Variants in KANSL1 observed in about 807,000 individuals in gnomAD.
KANSL1 encodes the protein KAT8 regulatory NSL complex subunit 1.
In KANSL1, 22 loss-of-function variants were observed where a neutral mutation model predicts 103.6. The ratio of observed to expected loss-of-function variants is 0.21; its 90% CI spans 0.15 to 0.30. The LOEUF (loss-of-function observed/expected upper bound fraction) is 0.30, where lower values mean the gene tolerates loss of function less well. Ranked by LOEUF, KANSL1 falls within the 10% of genes least tolerant of loss-of-function variation. The pLI, the probability that KANSL1 is intolerant of heterozygous loss-of-function variation, is 1.00. For synonymous variants in KANSL1, 600 were observed against 527.6 expected (o/e 1.14, Z -1.88); for missense variants, 1,337 against 1,399.8 (o/e 0.96, Z 0.72).
intron 4 of KANSL1, among the ~76,000 whole-genome samples, chr17:46,075,360 A>C (rs2078725198): frequency 6.8e-6 from 1 of 147,546 alleles, no homozygotes; most frequent in South Asian, 2.1e-4. Flanking sequence ...TTTCTTTCTG[A>C]CACAATCTCG....
intron 2 of KANSL1, among the ~76,000 whole-genome samples, chr17:46,163,269 A>G (rs2147644270): frequency 6.6e-6 from 1 of 152,358 alleles, no homozygotes; most frequent in East Asian, 1.9e-4. Flanking sequence ...GAATGAATTA[A>G]TCAAATCCAA....
chr17:46,117,359 A>AT (rs1243491828), intron 2 of KANSL1, among the ~76,000 whole-genome samples: 1 of 152,238 alleles, frequency 6.6e-6, no homozygotes, highest in Non-Finnish European at 1.5e-5. Flanking sequence ...TATCTCACAA[A>AT]TTTGTGTATG....
At chr17:46,098,179 CAA>C (rs2042162176) in intron 2 of KANSL1, among the ~76,000 whole-genome samples, 1 of 150,174 alleles carries the variant, frequency 6.7e-6, no homozygotes, top group South Asian at 2.1e-4. Context: ...CCCCTACCCA[CAA>C]AGAGACAAAA....
In KANSL1 at chr17:46,122,915, CTT is replaced by C. The variant is rs554248713; in HGVS notation, c.1290-28216_1290-28215del. Among the ~76,000 whole-genome samples, 31 of 152,320 alleles carry C rather than the reference CTT, an allele frequency of 2.0e-4. No homozygotes were observed. In the East Asian group the frequency reaches 3.7e-3, roughly 18 times the overall value. Reference sequence around the variant, plus strand: ...ATTCCCCTGTCTCTCTCCCTCTCCTCTTGTTTCCCTATTCCCTGAAACACAAC... The same window carrying C: ...ATTCCCCTGTCTCTCTCCCTCTCCTCGTTTCCCTATTCCCTGAAACACAAC... On this transcript the variant is annotated intron_variant, in intron 2 of 14. Transcript: ENST00000432791.
At position 46,171,796 on chromosome 17, in the gene KANSL1, C is replaced by T; in HGVS notation, c.348G>A (p.Gln116=). Residue 116 remains glutamine (Q), a synonymous_variant, in exon 2 of 15, where the codon CAG becomes CAA. Transcript: ENST00000432791. The stretch of plus-strand genomic sequence containing the variant: ...ACAGCTCAGCTCGGAGTTCATAGGA[C>T]TGAGATAAGAGAGGATGAGATTTAA... The part of the protein sequence containing the change: ...TVLKSHPLLS[Q]SYELRAELLG... 1 of 1,613,604 alleles carries T rather than the reference C, an allele frequency of 6.2e-7. No individual in the cohort carries two copies. Among genetic ancestry groups the T allele is most frequent in the South Asian group, 1.1e-5 (1 of 91,050 alleles).
intron 2 of KANSL1, among the ~76,000 whole-genome samples, chr17:46,163,525 C>A (rs192165328): frequency 2.1e-3 from 322 of 152,306 alleles, no homozygotes; most frequent in African/African-American, 7.2e-3. Flanking sequence ...CTGCACCCAG[C>A]CATTTCCTCA....
intron 6 of KANSL1, among the ~76,000 whole-genome samples, chr17:46,058,739 ACACACTCTCTCTCTCTCTCTCT>A (rs1470165996): frequency 4.3e-3 from 131 of 30,128 alleles, no homozygotes; most frequent in African/African-American, 0.01. Context: ...ACACACACAC[ACACACTCTCTCTCTCTCTCTCT>A]CTCTCTCTCT....
intron 2 of KANSL1, among the ~76,000 whole-genome samples, chr17:46,116,081 A>C (rs2043033205): frequency 6.6e-6 from 1 of 152,266 alleles, no homozygotes; most frequent in Non-Finnish European, 1.5e-5. Context: ...TAAATAAGTC[A>C]ACTGACCTGA....
intron 1 of KANSL1, among the ~76,000 whole-genome samples, chr17:46,187,947 G>A (rs1395885102): frequency 1.3e-5 from 2 of 152,174 alleles, no homozygotes; most frequent in African/African-American, 4.8e-5. Context: ...TTCTACCAAA[G>A]ACAAGAAAAT....
chr17:46,117,691 T>C (rs7225011), intron 2 of KANSL1, among the ~76,000 whole-genome samples: 60 of 152,306 alleles, frequency 3.9e-4, no homozygotes, highest in African/African-American at 1.4e-3. Flanking sequence ...TAAAGAAATT[T>C]AAAACTTCTA....
At chr17:46,124,080 T>C (rs1388637341) in intron 2 of KANSL1, among the ~76,000 whole-genome samples, 1 of 152,104 alleles carries the variant, frequency 6.6e-6, no homozygotes, top group African/African-American at 2.4e-5. Flanking sequence ...CCTTGACCAT[T>C]CTGAAAATCT....
chr17:46,128,946 T>C (rs2043710238), intron 2 of KANSL1, among the ~76,000 whole-genome samples: 1 of 152,186 alleles, frequency 6.6e-6, no homozygotes, highest in Non-Finnish European at 1.5e-5. Context: ...ACTGGGAGGC[T>C]GCGAAGGTTG....
At chr17:46,185,688 T>TACACACACAC (rs1567781864) in intron 1 of KANSL1, among the ~76,000 whole-genome samples, 2 of 62,314 alleles carry the variant, frequency 3.2e-5, no homozygotes, top group African/African-American at 9.3e-5. Flanking sequence ...TACACACACA[T>TACACACACAC]ATATACACAC....
chr17:46,032,382 G>A (rs2077036394), intron 13 of KANSL1, 83 bp from the exon 14 acceptor site: 1 of 1,260,408 alleles, frequency 7.9e-7, no homozygotes, highest in Admixed American at 2.5e-5. Context: ...CATCCCCACT[G>A]GAGGAGTTGA....
At chr17:46,217,897 G>A (rs1222845038) in intron 1 of KANSL1, among the ~76,000 whole-genome samples, 9 of 152,180 alleles carry the variant, frequency 5.9e-5, no homozygotes, top group South Asian at 2.1e-4. Flanking sequence ...ATGGTGACAC[G>A]TGACTGTAAT....
chr17:46,165,725 G>A (rs191118418), intron 2 of KANSL1, among the ~76,000 whole-genome samples: 2 of 149,894 alleles, frequency 1.3e-5, no homozygotes, highest in Admixed American at 1.3e-4. Flanking sequence ...TGGCCAGGCT[G>A]GTCTCCAACT....
intron 7 of KANSL1, chr17:46,044,796 C>G (rs1316010764): frequency 6.6e-6 from 1 of 152,080 alleles, no homozygotes; most frequent in South Asian, 2.1e-4. Context: ...AGTCAAGGTG[C>G]GAGGCACAAC....
intron 1 of KANSL1, among the ~76,000 whole-genome samples, chr17:46,220,060 G>A (rs77997436): frequency 0.21 from 29,536 of 141,934 alleles, no homozygotes; most frequent in African/African-American, 0.38. Context: ...CCGAGATTGC[G>A]CCACTGCACT....
chr17:46,184,014 A>G (rs1037099757), intron 1 of KANSL1, among the ~76,000 whole-genome samples: 1 of 152,246 alleles, frequency 6.6e-6, no homozygotes, highest in Admixed American at 6.5e-5. Flanking sequence ...CACCAAATCC[A>G]AAACTTCCTC....
Sources: gnomAD v4.1 joint callset for allele counts (sites outside exome capture counted in the v4.1 genomes callset) on GRCh38, gnomAD v4.1.1 for gene constraint, MANE v1.5 for transcripts, NCBI Gene and HGNC (gene_info 2026-07-23, HGNC 2026-07-21) for gene names.